The following SLC39A10 variants were observed in gnomAD, a reference collection of about 807,000 sequenced individuals.
SLC39A10 encodes the protein zinc transporter ZIP10.
SLC39A10 carries 13 observed loss-of-function variants against 65.1 expected under a neutral mutation model. The ratio of observed to expected loss-of-function variants is 0.20; its 90% CI spans 0.13 to 0.32. The LOEUF (loss-of-function observed/expected upper bound fraction) is 0.32, where lower values mean the gene tolerates loss of function less well. SLC39A10 is among the 10% of genes least tolerant of loss of function. The pLI, the probability that SLC39A10 is intolerant of heterozygous loss-of-function variation, is 1.00. For missense variants in SLC39A10, 831 were observed against 1,018.4 expected (o/e 0.82, Z 2.50); for synonymous variants, 321 against 342.2 (o/e 0.94, Z 0.68).
intron 2 of SLC39A10, among the ~76,000 whole-genome samples, chr2:195,613,308 G>T (rs538063454): frequency 2.6e-4 from 39 of 151,328 alleles, no homozygotes; most frequent in African/African-American, 9.0e-4. Context: ...TTTTTCCTTT[G>T]TCATGTCTGT....
chr2:195,683,154 A>AT (rs1267739511), intron 2 of SLC39A10, among the ~76,000 whole-genome samples: 1 of 104,628 alleles, frequency 9.6e-6, no homozygotes, highest in Non-Finnish European at 2.3e-5. Flanking sequence ...TTTTAAGCTT[A>AT]CTTTTTTTTT....
upstream of SLC39A10, among the ~76,000 whole-genome samples, chr2:195,653,881 A>C (rs1689089596): frequency 1.3e-5 from 2 of 152,188 alleles, no homozygotes; most frequent in Non-Finnish European, 2.9e-5. Context: ...TGAATCACGG[A>C]AAGAACAAGT....
At chr2:195,630,093 C>T (rs1559007848) in intron 2 of SLC39A10, among the ~76,000 whole-genome samples, 1 of 121,392 alleles carries the variant, frequency 8.2e-6, no homozygotes, top group Non-Finnish European at 1.7e-5. Flanking sequence ...ATAGAGAAAA[C>T]TCATTTTATA....
At chr2:195,654,783 A>G (rs189229544), upstream of SLC39A10, among the ~76,000 whole-genome samples, 1 of 152,308 alleles carries the variant, frequency 6.6e-6, no homozygotes, top group Non-Finnish European at 1.5e-5. Context: ...AATGAAATTC[A>G]TATATTGTTG....
chr2:195,694,370 A>G (rs190880412), intron 3 of SLC39A10, among the ~76,000 whole-genome samples: 1 of 152,140 alleles, frequency 6.6e-6, no homozygotes, highest in Non-Finnish European at 1.5e-5. Context: ...TTCTGTCTTG[A>G]TGATTTGTCT....
chr2:195,673,450 G>GC (rs1689954862), intron 1 of SLC39A10, among the ~76,000 whole-genome samples: 1 of 152,190 alleles, frequency 6.6e-6, no homozygotes, highest in African/African-American at 2.4e-5. Context: ...GAGCCACAGT[G>GC]CCCAGCCCAA....
At chr2:195,628,862 A>C (rs1020903103) in intron 2 of SLC39A10, among the ~76,000 whole-genome samples, 5 of 152,212 alleles carry the variant, frequency 3.3e-5, no homozygotes, top group Non-Finnish European at 7.3e-5. Flanking sequence ...AAATGCTGAC[A>C]ATTCCAAAAT....
chr2:195,691,629 T>A (rs1251430055), intron 3 of SLC39A10, among the ~76,000 whole-genome samples: 2 of 152,230 alleles, frequency 1.3e-5, no homozygotes, highest in Non-Finnish European at 2.9e-5. Context: ...TTGTTGATCA[T>A]TTTTCCATAT....
intron 3 of SLC39A10, among the ~76,000 whole-genome samples, chr2:195,684,945 A>T (rs1690470252): frequency 6.6e-6 from 1 of 152,176 alleles, no homozygotes; most frequent in Admixed American, 6.5e-5. Context: ...CACTGTTCTA[A>T]GCTGAATTCA....
rs1186253098 is a variant in SLC39A10, at chr2:195,628,121, A to G, written c.-12+21888A>G. Among the ~76,000 whole-genome samples the G allele has an allele frequency of 2.0e-5, 3 of 152,240 alleles. No individual in the cohort carries two copies. The East Asian group carries it at 5.8e-4, about 29-fold the overall frequency. The stretch of plus-strand genomic sequence containing the variant: ...AACAGTAAATATTTATGTACTATTC[A>G]TCATCTGTAAGAAAACTGTGAGAAA... On this transcript the variant is annotated intron_variant, in intron 2 of 2. Coordinates refer to the SLC39A10 transcript ENST00000458054.
chr2:195,620,756 T>C (rs1688333267), intron 2 of SLC39A10, among the ~76,000 whole-genome samples: 1 of 152,202 alleles, frequency 6.6e-6, no homozygotes, highest in Non-Finnish European at 1.5e-5. Context: ...GAGTTGTTAT[T>C]TTAGATGCCA....
At chr2:195,643,633 T>C (rs1226441918) in intron 2 of SLC39A10, among the ~76,000 whole-genome samples, 3 of 152,218 alleles carry the variant, frequency 2.0e-5, no homozygotes, top group Non-Finnish European at 2.9e-5. Context: ...CAAGCTGCAG[T>C]AGTTTGGGGT....
chr2:195,660,145 C>T (rs985246777), intron 1 of SLC39A10, among the ~76,000 whole-genome samples: 2 of 152,108 alleles, frequency 1.3e-5, no homozygotes, highest in African/African-American at 4.8e-5. Context: ...GTTTAAAATG[C>T]TAATTGAGTG....
chr2:195,703,229 TG>T (rs1300932350), intron 3 of SLC39A10, among the ~76,000 whole-genome samples: 6 of 152,230 alleles, frequency 3.9e-5, no homozygotes, highest in African/African-American at 1.2e-4. Flanking sequence ...ATAGCTAGTA[TG>T]TGGCCAGTTC....
intron 9 of SLC39A10, among the ~76,000 whole-genome samples, chr2:195,732,095 G>A (rs1463182752): frequency 3.3e-5 from 5 of 152,264 alleles, no homozygotes; most frequent in Non-Finnish European, 5.9e-5. Flanking sequence ...GGAAAAAATG[G>A]ATCCATATTG....
At chr2:195,637,561 T>C (rs975378541) in intron 2 of SLC39A10, among the ~76,000 whole-genome samples, 1 of 152,098 alleles carries the variant, frequency 6.6e-6, no homozygotes, top group African/African-American at 2.4e-5. Flanking sequence ...CAAACAATAT[T>C]TGTATGAGAT....
chr2:195,691,607 TG>T (rs773661796), intron 3 of SLC39A10, among the ~76,000 whole-genome samples: 1 of 152,260 alleles, frequency 6.6e-6, no homozygotes, highest in Non-Finnish European at 1.5e-5. Context: ...TGCATTTCCC[TG>T]GTAATTAGTG....
At chr2:195,684,429 T>C (rs1265574185) in intron 3 of SLC39A10, among the ~76,000 whole-genome samples, 1 of 152,106 alleles carries the variant, frequency 6.6e-6, no homozygotes, top group East Asian at 1.9e-4. Flanking sequence ...ACCAAAACTA[T>C]TTTTAAATTT....
At chr2:195,698,198 A>C (rs951094822) in intron 3 of SLC39A10, among the ~76,000 whole-genome samples, 3 of 152,156 alleles carry the variant, frequency 2.0e-5, no homozygotes, top group African/African-American at 7.2e-5. Flanking sequence ...AAGAGGGCCA[A>C]GCAGGCAACT....
Sources: gnomAD v4.1 joint callset for allele counts (sites outside exome capture counted in the v4.1 genomes callset) on GRCh38, gnomAD v4.1.1 for gene constraint, MANE v1.5 for transcripts, NCBI Gene and HGNC (gene_info 2026-07-23, HGNC 2026-07-21) for gene names.